KIAA0930: variants seen among roughly 807,000 people sequenced by gnomAD.
KIAA0930 encodes uncharacterized protein KIAA0930.
In KIAA0930, 24 loss-of-function variants were observed where a neutral mutation model predicts 43.9. The ratio of observed to expected loss-of-function variants is 0.55; its 90% CI spans 0.40 to 0.77. The LOEUF (loss-of-function observed/expected upper bound fraction) is 0.77. Among genes scored for constraint, KIAA0930 ranks in the 30% least tolerant of loss-of-function variants. The pLI is 0.00. For synonymous variants in KIAA0930, 259 were observed against 216.4 expected (o/e 1.20, Z -1.73); for missense variants, 461 against 574.2 (o/e 0.80, Z 2.02).
rs561087767 is a variant in KIAA0930 at position 45,195,261 on chromosome 22, C to G, written c.*1915G>C. 1 of 152,336 alleles carries G rather than the reference C, an allele frequency of 6.6e-6. No homozygotes were observed. Among genetic ancestry groups the G allele is most frequent in the East Asian group, 1.9e-4 (1 of 5,184 alleles). The allele number at this position is 152,336 out of a possible 1,614,324, so 9.4% of individuals were successfully genotyped here. On this transcript the variant is annotated 3_prime_UTR_variant, in exon 10 of 10. Transcript: ENST00000336156. ...GAGACAACCTTCTCCCGCCCCTCAC[C>G]TCTGAGAACAGAGGGCGGGCCGCTG...
chr22:45,213,271 AG>A (rs1569077818), intron 1 of KIAA0930: 1 of 1,278,438 alleles, frequency 7.8e-7, no homozygotes, highest in Admixed American at 2.3e-5. Context: ...CTCAGCCCTC[AG>A]CCCTCTGCCC....
At chr22:45,231,241 G>T (rs1010731298) in intron 1 of KIAA0930, among the ~76,000 whole-genome samples, 2 of 145,174 alleles carry the variant, frequency 1.4e-5, no homozygotes, top group African/African-American at 2.5e-5. Flanking sequence ...AAAAAAAAAA[G>T]AAAGAAAATA....
At position 45,201,689 on chromosome 22, in the gene KIAA0930, A is replaced by T. The variant is rs1249547080; in HGVS notation, c.852+1301T>A. ...GCCTGGAATTCTCACCCATCTTTGC[A>T]AAAAATAGCACTTGCTGTCTTTGGC... On this transcript the variant is annotated intron_variant, in intron 7 of 9. Coordinates refer to ENST00000336156, the MANE Select transcript of KIAA0930 (RefSeq NM_001009880.2). Among the ~76,000 whole-genome samples, 7 of 152,168 alleles carry T rather than the reference A, an allele frequency of 4.6e-5. No homozygotes were observed. In the East Asian group the frequency reaches 1.3e-3, roughly 29 times the overall value.
rs2083601628 is a variant in KIAA0930, at chr22:45,202,890, T to C, written c.852+100A>G. The C allele has an allele frequency of 9.9e-6, 10 of 1,006,044 alleles. No individual in the cohort carries two copies. The East Asian group carries it at 2.7e-4, about 27-fold the overall frequency. The allele number at this position is 1,006,044 out of a possible 1,614,324, so 62.3% of individuals were successfully genotyped here. A position where few individuals can be genotyped will look rare whatever the true frequency, so the allele number is the denominator to read the frequency against. ...CGGCCTGCGCACTGGTGGTTGGGGA[T>C]GACAACACCTATGTCCCCAGGGGGC... On this transcript the variant is annotated intron_variant, in intron 7 of 9. Coordinates refer to ENST00000336156, the MANE Select transcript of KIAA0930 (RefSeq NM_001009880.2).
intron 1 of KIAA0930, among the ~76,000 whole-genome samples, chr22:45,218,156 TATTTATTC>T (rs1480967516): frequency 6.6e-6 from 1 of 151,376 alleles, no homozygotes; most frequent in Non-Finnish European, 1.5e-5. Context: ...ACAGTGTGTT[TATTTATTC>T]ATTTATTTTT....
At chr22:45,206,371 GCCAT>G (rs1269838900) in intron 2 of KIAA0930, among the ~76,000 whole-genome samples, 1 of 152,110 alleles carries the variant, frequency 6.6e-6, no homozygotes, top group East Asian at 1.9e-4. Flanking sequence ...GGACCCAGGG[GCCAT>G]CCATTCTCCT....
chr22:45,240,073 C>A (rs952490322), intron 1 of KIAA0930, among the ~76,000 whole-genome samples: 1 of 151,928 alleles, frequency 6.6e-6, no homozygotes, highest in African/African-American at 2.4e-5. Context: ...CTCAGCCAAG[C>A]GGGCGGGTTC....
Position 45,211,395 on chromosome 22 carries a change from G to C in KIAA0930, c.216+561C>G, listed in dbSNP as rs1461731715. ...GCGATTTAGTGGATGAAATACGTTA[G>C]GCGAATCACTTCATCTCCGAGCCCT... On this transcript the variant is annotated intron_variant, in intron 2 of 9. Coordinates refer to ENST00000336156, the MANE Select transcript of KIAA0930 (RefSeq NM_001009880.2). The C allele has an allele frequency of 1.3e-5, 5 of 399,012 alleles. 1 individual carries two copies. The highest frequency in any genetic ancestry group is 4.1e-5 in the African/African-American group (2 of 48,612). 24.7% of individuals were successfully genotyped at this position (399,012 alleles called of 1,614,324 possible).
Position 45,193,822 on chromosome 22 carries a change from G to C in KIAA0930, c.*3354C>G, listed in dbSNP as rs5766526. The stretch of plus-strand genomic sequence containing the variant: ...ATGAGAATGTAAGATGGCCACTACC[G>C]GAACTTACAGGTGCCAAAAGAAGAA... On this transcript the variant is annotated 3_prime_UTR_variant, in exon 10 of 10. Transcript: ENST00000336156. The C allele has an allele frequency of 0.35, 53,319 of 151,998 alleles. 9,714 individuals are homozygous for C. Among genetic ancestry groups the C allele is most frequent in the East Asian group, 0.52 (2,673 of 5,158 alleles). The allele number at this position is 151,998 out of a possible 1,614,324, so 9.4% of individuals were successfully genotyped here. A position where few individuals can be genotyped will look rare whatever the true frequency, so the allele number is the denominator to read the frequency against.
chr22:45,197,652 C>G (rs915683228), intron 9 of KIAA0930, 138 bp downstream of exon 9: 5 of 830,792 alleles, frequency 6.0e-6, no homozygotes, highest in Non-Finnish European at 7.7e-6. Flanking sequence ...GACAAAGAGG[C>G]CAAGAGCCCT....
intron 1 of KIAA0930, among the ~76,000 whole-genome samples, chr22:45,223,688 C>T (rs917145687): frequency 6.6e-6 from 1 of 151,628 alleles, no homozygotes; most frequent in African/African-American, 2.4e-5. Flanking sequence ...AGCCAGCACC[C>T]AGGGTCAGCA....
intron 2 of KIAA0930, among the ~76,000 whole-genome samples, chr22:45,208,876 T>G (rs978576707): frequency 2.0e-5 from 3 of 152,192 alleles, no homozygotes; most frequent in Non-Finnish European, 4.4e-5. Flanking sequence ...GATCGGCACC[T>G]TAGGATCCTG....
chr22:45,220,702 T>A (rs1261763883), intron 1 of KIAA0930, among the ~76,000 whole-genome samples: 1 of 152,090 alleles, frequency 6.6e-6, no homozygotes, highest in Non-Finnish European at 1.5e-5. Context: ...CACCTTACTT[T>A]CCCAAGTAGC....
chr22:45,230,257 G>T (rs998003264), intron 1 of KIAA0930, among the ~76,000 whole-genome samples: 7 of 152,152 alleles, frequency 4.6e-5, no homozygotes. Flanking sequence ...GTCACGTCTT[G>T]GTCAGGCTGA....
intron 1 of KIAA0930, among the ~76,000 whole-genome samples, chr22:45,225,896 C>T (rs138749948): frequency 1.3e-3 from 202 of 152,358 alleles, no homozygotes; most frequent in Non-Finnish European, 2.1e-3. Flanking sequence ...AAGGCCCGAG[C>T]GCCTGGTCTG....
intron 1 of KIAA0930, among the ~76,000 whole-genome samples, chr22:45,236,848 G>A (rs779217238): frequency 1.1e-4 from 16 of 152,208 alleles, no homozygotes; most frequent in African/African-American, 2.4e-4. Flanking sequence ...GCACCACTCC[G>A]GACACAGGGA....
intron 1 of KIAA0930, chr22:45,235,517 T>G (rs5766577): frequency 6.6e-6 from 1 of 152,020 alleles, no homozygotes; most frequent in Non-Finnish European, 1.5e-5. Context: ...GGCCCACAAC[T>G]AGCTCTGACT....
chr22:45,233,303 A>G (rs1458023173), intron 1 of KIAA0930, among the ~76,000 whole-genome samples: 1 of 152,148 alleles, frequency 6.6e-6, no homozygotes, highest in African/African-American at 2.4e-5. Context: ...TGCTCTGGAC[A>G]CGGTGTGGTA....
At chr22:45,237,190 G>C (rs1024536039) in intron 1 of KIAA0930, among the ~76,000 whole-genome samples, 1 of 152,248 alleles carries the variant, frequency 6.6e-6, no homozygotes, top group Non-Finnish European at 1.5e-5. Context: ...TCTGTGACCT[G>C]GAGTCATGAG....
Sources: gnomAD v4.1 joint callset for allele counts (sites outside exome capture counted in the v4.1 genomes callset) on GRCh38, gnomAD v4.1.1 for gene constraint, MANE v1.5 for transcripts, NCBI Gene and HGNC (gene_info 2026-07-23, HGNC 2026-07-21) for gene names.